IL16: variants seen among roughly 807,000 people sequenced by gnomAD.
The protein encoded by IL16 is pro-interleukin-16.
Under a neutral mutation model 110.1 loss-of-function variants are expected in IL16, and 67 were observed. The observed-to-expected ratio is 0.61, with a 90% CI of 0.50 to 0.75. The LOEUF (loss-of-function observed/expected upper bound fraction) is 0.75. IL16 is among the 30% of genes least tolerant of loss of function. The pLI is 0.00. For synonymous variants in IL16, 689 were observed against 662.9 expected, an observed-to-expected ratio of 1.04 and a Z score of -0.61; for missense variants, 1,545 against 1,655.0, an observed-to-expected ratio of 0.93 and a Z score of 1.15.
intron 9 of IL16, among the ~76,000 whole-genome samples, chr15:81,284,004 GAAAAAAAA>G: frequency 1.2e-5 from 1 of 82,712 alleles, no homozygotes; most frequent in East Asian, 4.1e-4. Context: ...CCCTGTCTCA[GAAAAAAAA>G]AAAAAAAAAA....
At chr15:81,267,116 C>T (rs559354181) in intron 4 of IL16, among the ~76,000 whole-genome samples, 1 of 152,310 alleles carries the variant, frequency 6.6e-6, no homozygotes, top group African/African-American at 2.4e-5. Context: ...CGCTGGGTCC[C>T]TGAGGATTGG....
chr15:81,265,604 C>T, intron 3 of IL16, 55 bp from the exon 4 acceptor site: 1 of 1,596,002 alleles, frequency 6.3e-7, no homozygotes, highest in Non-Finnish European at 8.6e-7. Context: ...CTTAGTTGAA[C>T]TTTGCATTTT....
Position 81,299,651 on chromosome 15 carries a change from C to T in IL16, c.2325C>T (p.Asp775=), listed in dbSNP as rs1900164980. 1.9e-6 allele frequency: 3 copies of T among 1,614,224 alleles called. No individual in the cohort carries two copies. Among genetic ancestry groups the T allele is most frequent in the Non-Finnish European group, 2.5e-6 (3 of 1,180,036 alleles). The change falls in exon 14 of 19, where the codon GAC becomes GAT. Residue 775 remains aspartate (D), a synonymous_variant. Transcript: ENST00000683961. The part of the protein sequence containing the change: ...NGTPKVYKSA[D]SSTVKKGPPV... ...CTCCCAAAGTTTACAAGTCAGCAGACAGCAGCACTGTGAAGAAAGGTCCTC... is the reference window on the plus strand; with the variant it reads ...CTCCCAAAGTTTACAAGTCAGCAGATAGCAGCACTGTGAAGAAAGGTCCTC...
chr15:81,284,024 G>A (rs12101477), intron 9 of IL16, among the ~76,000 whole-genome samples: 7 of 94,248 alleles, frequency 7.4e-5, no homozygotes, highest in Admixed American at 2.2e-4. Context: ...AAAAAAAAAA[G>A]AGAGAGAGAA....
At chr15:81,196,750 TG>T, upstream of IL16, 1 of 780,894 alleles carries the variant, frequency 1.3e-6, no homozygotes, top group Middle Eastern at 5.7e-4. Flanking sequence ...GCCCAGCAGA[TG>T]GTGGACCTTG....
At chr15:81,260,129 T>C (rs984658241) in intron 3 of IL16, among the ~76,000 whole-genome samples, 6 of 152,240 alleles carry the variant, frequency 3.9e-5, no homozygotes, top group Non-Finnish European at 8.8e-5. Flanking sequence ...GCTTTACTCC[T>C]GCTGTGTCTC....
intron 6 of IL16, 45 bp from the exon 7 acceptor site, chr15:81,278,772 G>C: frequency 7.6e-7 from 1 of 1,307,718 alleles, no homozygotes; most frequent in South Asian, 1.2e-5. Context: ...AATGCCCTTT[G>C]ATTGGGCAAC....
intron 8 of IL16, 95 bp downstream of exon 8, chr15:81,279,869 C>T: frequency 9.5e-7 from 1 of 1,052,978 alleles, no homozygotes. Flanking sequence ...AGAGGTAGGG[C>T]AGGATGTTGT....
At chr15:81,204,428 T>G (rs955559660) in intron 1 of IL16, among the ~76,000 whole-genome samples, 51 of 152,284 alleles carry the variant, frequency 3.3e-4, no homozygotes, top group Non-Finnish European at 5.6e-4. Context: ...CTTCCAGTTT[T>G]TGCCCATTCA....
At chr15:81,301,559 G>A in intron 15 of IL16, 47 bp downstream of exon 15, 1 of 1,558,818 alleles carries the variant, frequency 6.4e-7, no homozygotes, top group African/African-American at 1.4e-5. Flanking sequence ...GCTTATTATG[G>A]CTGTGTGGCC....
In IL16 at chr15:81,259,532, C is replaced by T. The variant is rs181198117; in HGVS notation, c.313-240C>T. 1.6e-4 allele frequency among the ~76,000 whole-genome samples: 25 copies of T among 152,246 alleles called. No individual in the cohort carries two copies. The East Asian group carries it at 4.1e-3, about 25-fold the overall frequency. On this transcript the variant is annotated intron_variant, in intron 2 of 18. Coordinates refer to ENST00000683961, the MANE Select transcript of IL16 (RefSeq NM_172217.5). ...GCTGAAGGATTCATTCAATTTGTGT[C>T]GCATTAGTTTACTATTAATGTAATC...
In IL16 at chr15:81,299,820, G is replaced by GCCTCCT. The variant is rs562825970; in HGVS notation, c.2509_2514dup (p.Ser837_Ser838dup). 17 of 1,613,238 alleles carry GCCTCCT rather than the reference G, an allele frequency of 1.1e-5. No individual in the cohort carries two copies. Among genetic ancestry groups the GCCTCCT allele is most frequent in the African/African-American group, 1.3e-5 (1 of 74,836 alleles). On this transcript the variant is annotated inframe_insertion, in exon 14 of 19. Coordinates refer to ENST00000683961, the MANE Select transcript of IL16 (RefSeq NM_172217.5). ...GGAGCACCTAGGATCACACATCCGG[G>GCCTCCT]CCTCCTCCTCCTCCTCCTCCATCAG... is the stretch of plus-strand genomic sequence containing the variant.
chr15:81,199,282 G>A (rs1895723728), intron 1 of IL16, among the ~76,000 whole-genome samples: 1 of 152,002 alleles, frequency 6.6e-6, no homozygotes, highest in Non-Finnish European at 1.5e-5. Flanking sequence ...TTCTTCTTTT[G>A]AATTCCTGTT....
At chr15:81,264,133 G>A (rs981202622) in intron 3 of IL16, among the ~76,000 whole-genome samples, 2 of 152,160 alleles carry the variant, frequency 1.3e-5, no homozygotes, top group African/African-American at 4.8e-5. Context: ...AGGATGTCTA[G>A]CCTCTCCTCT....
At chr15:81,186,390 C>G (rs1282357378) in intron 1 of IL16, among the ~76,000 whole-genome samples, 2 of 152,148 alleles carry the variant, frequency 1.3e-5, no homozygotes, top group Non-Finnish European at 2.9e-5. Flanking sequence ...ACAGGCGGGT[C>G]TATTCCATCC....
chr15:81,244,553 C>T (rs903802052), intron 2 of IL16, among the ~76,000 whole-genome samples: 2 of 152,090 alleles, frequency 1.3e-5, no homozygotes, highest in African/African-American at 2.4e-5. Context: ...AATCTACTGT[C>T]ATCTGAATTG....
At chr15:81,236,191 T>C (rs1017056668) in intron 2 of IL16, among the ~76,000 whole-genome samples, 4 of 152,230 alleles carry the variant, frequency 2.6e-5, no homozygotes, top group African/African-American at 9.6e-5. Flanking sequence ...GAAAAGGTGG[T>C]CAAGGCCTTC....
At chr15:81,275,622 C>T (rs776576535) in intron 6 of IL16, among the ~76,000 whole-genome samples, 2 of 152,016 alleles carry the variant, frequency 1.3e-5, no homozygotes, top group Non-Finnish European at 2.9e-5. Flanking sequence ...TGTAAGCCTG[C>T]CCAAGCCAAA....
In IL16 at chr15:81,285,786, C is replaced by T. The variant is rs1339012274; in HGVS notation, c.1288C>T (p.Pro430Ser). The T allele has an allele frequency of 6.2e-7, 1 of 1,614,154 alleles. No homozygotes were observed. Among genetic ancestry groups the T allele is most frequent in the South Asian group, 1.1e-5 (1 of 91,072 alleles). The change falls in exon 10 of 19, where the codon CCC becomes TCC. Residue 430 changes from proline (P) to serine (S), a missense_variant. By Grantham distance (74) the Pro-to-Ser change is moderately conservative (BLOSUM62 -1). Transcript: ENST00000683961. ...EVYTILSHCDPGPVPIIVSRH... is the reference protein window; with the variant it reads ...EVYTILSHCDSGPVPIIVSRH... ...CTACACGATCCTGAGTCACTGTGATCCCGGTCCAGTCCCCATCATTGTTAG... is the reference window on the plus strand; with the variant it reads ...CTACACGATCCTGAGTCACTGTGATTCCGGTCCAGTCCCCATCATTGTTAG...
Sources: gnomAD v4.1 joint callset for allele counts (sites outside exome capture counted in the v4.1 genomes callset) on GRCh38, gnomAD v4.1.1 for gene constraint, MANE v1.5 for transcripts, NCBI Gene and HGNC (gene_info 2026-07-23, HGNC 2026-07-21) for gene names.